Variants in SLC38A2 observed in about 807,000 individuals in gnomAD.
The protein encoded by SLC38A2 is sodium-coupled neutral amino acid symporter 2.
SLC38A2 carries 11 observed loss-of-function variants against 61.5 expected under a neutral mutation model. The ratio of observed to expected loss-of-function variants is 0.18; its 90% confidence interval spans 0.11 to 0.30. The LOEUF (loss-of-function observed/expected upper bound fraction) is 0.30, where lower values mean the gene tolerates loss of function less well. Ranked by LOEUF, SLC38A2 falls within the 10% of genes least tolerant of loss-of-function variation. The pLI is 1.00. For missense variants in SLC38A2, 522 were observed against 600.4 expected, an observed-to-expected ratio of 0.87 and a Z score of 1.36; for synonymous variants, 217 against 212.5, an observed-to-expected ratio of 1.02 and a Z score of -0.18.
Position 46,360,960 on chromosome 12 carries a change from A to C in SLC38A2, c.*151T>G. The C allele has an allele frequency of 1.7e-6, 1 of 594,026 alleles. No homozygotes were observed. The highest frequency in any genetic ancestry group is 2.9e-6 in the Non-Finnish European group (1 of 343,982). The allele number at this position is 594,026 out of a possible 1,614,324, so 36.8% of individuals were successfully genotyped here. A position where few individuals can be genotyped will look rare whatever the true frequency, so the allele number is the denominator to read the frequency against. On this transcript the variant is annotated 3_prime_UTR_variant, in exon 16 of 16. Transcript: ENST00000256689. ...TCTTAAAAAAACAAAACAAAACAAA[A>C]AAGTTCACTTATTCTGCACTCAGAA...
In SLC38A2 at chr12:46,362,480, T is replaced by C. The variant is rs532608351; in HGVS notation, c.1324+14A>G. ...CTGATGTTTGAATCCACTTGGATAC[T>C]TTCTAAAACTTACCAATAAAACCAA... is the stretch of plus-strand genomic sequence containing the variant. On this transcript the variant is annotated intron_variant, in intron 14 of 15. Coordinates refer to ENST00000256689, the MANE Select transcript of SLC38A2 (RefSeq NM_018976.5). 65 of 1,590,276 alleles carry C rather than the reference T, an allele frequency of 4.1e-5. No homozygotes were observed. Among genetic ancestry groups the C allele is most frequent in the Non-Finnish European group, 5.2e-5 (61 of 1,173,012 alleles).
chr12:46,367,007 A>G (rs1592205562), intron 6 of SLC38A2, 62 bp from the exon 7 acceptor site: 4 of 1,596,278 alleles, frequency 2.5e-6, no homozygotes, highest in Non-Finnish European at 2.6e-6. Context: ...ACTAAAACGC[A>G]TGTGTCACCA....
chr12:46,362,776 G>T, intron 13 of SLC38A2, 138 bp from the exon 14 acceptor site: 1 of 1,055,352 alleles, frequency 9.5e-7, no homozygotes, highest in Non-Finnish European at 1.3e-6. Context: ...ATAAAACTGT[G>T]CCTCTTTCTC....
chr12:46,372,297 C>G (rs1943213539), intron 1 of SLC38A2: 1 of 182,766 alleles, frequency 5.5e-6, no homozygotes, highest in Non-Finnish European at 1.1e-5. Flanking sequence ...GCACGCGGCC[C>G]CCGCCCAGCG....
At position 46,366,951 on chromosome 12, in the gene SLC38A2, G is replaced by A. The variant is rs1943144706; in HGVS notation, c.482-6C>T. Reference sequence around the variant, plus strand: ...GAAGAGGTAGCTTGACATAGCTGGAGGAAAACAAAATTATACCATTACAAG... The same window carrying A: ...GAAGAGGTAGCTTGACATAGCTGGAAGAAAACAAAATTATACCATTACAAG... On this transcript the variant is annotated splice_region_variant and splice_polypyrimidine_tract_variant and intron_variant, in intron 6 of 15. Coordinates refer to ENST00000256689, the MANE Select transcript of SLC38A2 (RefSeq NM_018976.5). 1 of 1,613,212 alleles carries A rather than the reference G, an allele frequency of 6.2e-7. No homozygotes were observed. The highest frequency in any genetic ancestry group is 8.5e-7 in the Non-Finnish European group (1 of 1,179,726).
intron 4 of SLC38A2, 106 bp from the exon 5 acceptor site, chr12:46,367,446 T>G (rs1203245183): frequency 9.8e-6 from 7 of 715,970 alleles, no homozygotes; most frequent in Non-Finnish European, 1.5e-5. Flanking sequence ...CTTGTCCTAT[T>G]TGTGTCAAAA....
chr12:46,372,177 T>C (rs1943210962), intron 1 of SLC38A2: 1 of 147,316 alleles, frequency 6.8e-6, no homozygotes, highest in Non-Finnish European at 1.5e-5. Flanking sequence ...CTGGACTTAA[T>C]TTTTTTTTTT....
intron 4 of SLC38A2, among the ~76,000 whole-genome samples, chr12:46,368,228 T>C (rs550912144): frequency 6.6e-6 from 1 of 152,250 alleles, no homozygotes; most frequent in African/African-American, 2.4e-5. Context: ...ATCAGAGAAC[T>C]AACCATTGTG....
Position 46,372,725 on chromosome 12 carries a change from G to A in SLC38A2, c.-303C>T. On this transcript the variant is annotated 5_prime_UTR_variant, in exon 1 of 16. Coordinates refer to ENST00000256689, the MANE Select transcript of SLC38A2 (RefSeq NM_018976.5). ...TGCGGTAACGCGTGGTCGGGCTGCT[G>A]CTAGCAGTACTGGAAAGGCGTTCTA... is the stretch of plus-strand genomic sequence containing the variant. 2.5e-6 allele frequency: 1 copy of A among 398,480 alleles called. No homozygotes were observed. Among genetic ancestry groups the A allele is most frequent in the East Asian group, 3.6e-5 (1 of 28,058 alleles). The allele number at this position is 398,480 out of a possible 1,614,324, so 24.7% of individuals were successfully genotyped here.
At position 46,360,151 on chromosome 12, in the gene SLC38A2, C is replaced by G. The variant is rs1224535238; in HGVS notation, c.*960G>C. 2.0e-5 allele frequency: 3 copies of G among 152,638 alleles called. No homozygotes were observed. Among genetic ancestry groups the G allele is most frequent in the Non-Finnish European group, 4.4e-5 (3 of 68,032 alleles). The allele number at this position is 152,638 out of a possible 1,614,324, so 9.5% of individuals were successfully genotyped here. ...AAAAGGGCTGGCCCAAAAAAAGACCCAGAGCTGTCAATACAACACTGGAGA... is the reference window on the plus strand; with the variant it reads ...AAAAGGGCTGGCCCAAAAAAAGACCGAGAGCTGTCAATACAACACTGGAGA... On this transcript the variant is annotated 3_prime_UTR_variant, in exon 16 of 16. Coordinates refer to ENST00000256689, the MANE Select transcript of SLC38A2 (RefSeq NM_018976.5).
rs1194692938 is a variant in SLC38A2, at chr12:46,359,244, G to A, written c.*1867C>T. The A allele has an allele frequency of 6.6e-6, 1 of 152,548 alleles. No homozygotes were observed. Among genetic ancestry groups the A allele is most frequent in the Non-Finnish European group, 1.5e-5 (1 of 68,028 alleles). The allele number at this position is 152,548 out of a possible 1,614,324, so 9.4% of individuals were successfully genotyped here. ...TCTGCATTCGAATGGAGTGCCTAAAGCCCAATTAAATGAAAGCAGTGCCGT... is the reference window on the plus strand; with the variant it reads ...TCTGCATTCGAATGGAGTGCCTAAAACCCAATTAAATGAAAGCAGTGCCGT... On this transcript the variant is annotated 3_prime_UTR_variant, in exon 16 of 16. Transcript: ENST00000256689.
rs1943182529 is a variant in SLC38A2, at chr12:46,370,407, CTT to C, written c.314+103_314+104del. Reference sequence around the variant, plus strand: ...CATACTTTTAATTTTAAGCAAGTAACTTTTGAGTCAGCTACTCCAACTGTAAA... The same window carrying C: ...CATACTTTTAATTTTAAGCAAGTAACTTGAGTCAGCTACTCCAACTGTAAA... On this transcript the variant is annotated intron_variant, in intron 4 of 15. Coordinates refer to ENST00000256689, the MANE Select transcript of SLC38A2 (RefSeq NM_018976.5). 1.2e-5 allele frequency: 10 copies of C among 821,940 alleles called. No individual in the cohort carries two copies. In the South Asian group the frequency reaches 1.5e-4, roughly 13 times the overall value. The allele number at this position is 821,940 out of a possible 1,614,324, so 50.9% of individuals were successfully genotyped here. A position where few individuals can be genotyped will look rare whatever the true frequency, so the allele number is the denominator to read the frequency against.
chr12:46,371,969 A>G (rs1398838805), intron 1 of SLC38A2, among the ~76,000 whole-genome samples: 1 of 151,818 alleles, frequency 6.6e-6, no homozygotes, highest in Non-Finnish European at 1.5e-5. Context: ...CACGCGCGCC[A>G]GTGCCCTCAA....
At chr12:46,369,892 T>C (rs960404299) in intron 4 of SLC38A2, among the ~76,000 whole-genome samples, 10 of 152,110 alleles carry the variant, frequency 6.6e-5, no homozygotes, top group Admixed American at 3.3e-4. Flanking sequence ...TAAAAATAAG[T>C]ACTTACTAAA....
intron 12 of SLC38A2, 111 bp from the exon 13 acceptor site, chr12:46,363,256 A>T (rs968812857): frequency 8.3e-7 from 1 of 1,211,978 alleles, no homozygotes; most frequent in African/African-American, 1.5e-5. Context: ...AAACGACTAT[A>T]AACTAAGAGG....
rs1316545247 is a variant in SLC38A2 at position 46,358,740 on chromosome 12, T to C, written c.*2371A>G. Reference sequence around the variant, plus strand: ...CATATGGACAGACAATATATGTACATAGATTATCATAAATATTGAAAAATA... The same window carrying C: ...CATATGGACAGACAATATATGTACACAGATTATCATAAATATTGAAAAATA... On this transcript the variant is annotated 3_prime_UTR_variant, in exon 16 of 16. Transcript: ENST00000256689. 1.3e-5 allele frequency: 2 copies of C among 152,644 alleles called. No homozygotes were observed. Among genetic ancestry groups the C allele is most frequent in the African/African-American group, 2.4e-5 (1 of 41,446 alleles). 9.5% of individuals were successfully genotyped at this position (152,644 alleles called of 1,614,324 possible).
chr12:46,364,596 A>G (rs1201679176), intron 9 of SLC38A2, 40 bp from the exon 10 acceptor site: 1 of 1,594,370 alleles, frequency 6.3e-7, no homozygotes, highest in Admixed American at 1.8e-5. Flanking sequence ...ACTAAGTGAC[A>G]TGGCAGGGCT....
chr12:46,364,502 T>TAAACAATAACGTC lies in SLC38A2; in HGVS notation c.759_760insGACGTTATTGTTT (p.Asn254AspfsTer5). ...GTTAAGGTGGTGTTTATTGTTTCGT[T>TAAACAATAACGTC]AATTATCAAAGCAGCTTCCACAGGA... On this transcript the variant is annotated frameshift_variant, in exon 10 of 16. Coordinates refer to ENST00000256689, the MANE Select transcript of SLC38A2 (RefSeq NM_018976.5). LOFTEE classifies it high-confidence loss of function. 1 of 1,612,548 alleles carries TAAACAATAACGTC rather than the reference T, an allele frequency of 6.2e-7. No individual in the cohort carries two copies.
chr12:46,369,502 G>A (rs1240244803), intron 4 of SLC38A2, among the ~76,000 whole-genome samples: 1 of 152,168 alleles, frequency 6.6e-6, no homozygotes, highest in African/African-American at 2.4e-5. Flanking sequence ...AATCAGCTAA[G>A]TAAAACACAT....
Sources: allele counts gnomAD v4.1 joint callset (sites outside exome capture counted in the v4.1 genomes callset), GRCh38; gene constraint gnomAD v4.1.1; transcripts MANE v1.5; gene names NCBI Gene and HGNC (gene_info 2026-07-23, HGNC 2026-07-21).